Variants in NFKB1 observed in about 807,000 individuals in gnomAD.
The protein encoded by NFKB1 is nuclear factor kappa B subunit 1, also known as nuclear factor NF-kappa-B p105 subunit.
NFKB1 carries 9 observed loss-of-function variants against 105.1 expected under a neutral mutation model. The ratio of observed to expected loss-of-function variants is 0.09; its 90% CI spans 0.05 to 0.15. The LOEUF (loss-of-function observed/expected upper bound fraction) is 0.15, where lower values mean the gene tolerates loss of function less well. Among genes scored for constraint, NFKB1 ranks in the 10% least tolerant of loss-of-function variants. The pLI is 1.00. For synonymous variants in NFKB1, 440 were observed against 442.2 expected (o/e 1.00, Z 0.06); for missense variants, 830 against 1,203.7 (o/e 0.69, Z 4.59).
intron 5 of NFKB1, among the ~76,000 whole-genome samples, chr4:102,548,170 G>T (rs962990908): frequency 2.6e-5 from 4 of 152,076 alleles, no homozygotes. Context: ...ACGGGCCATT[G>T]CCTTTACTGG....
intron 15 of NFKB1, among the ~76,000 whole-genome samples, chr4:102,600,021 ATGCTAG>A (rs1488198663): frequency 6.6e-6 from 1 of 152,178 alleles, no homozygotes; most frequent in African/African-American, 2.4e-5. Flanking sequence ...CCTCTACTGC[ATGCTAG>A]GGTTGTAAGG....
chr4:102,567,203 T>G, intron 6 of NFKB1, 68 bp downstream of exon 6: 1 of 1,533,968 alleles, frequency 6.5e-7, no homozygotes, highest in South Asian at 1.2e-5. Context: ...GAACTTAGAA[T>G]GAACAGGCCC....
At chr4:102,564,658 T>C (rs982957542) in intron 5 of NFKB1, among the ~76,000 whole-genome samples, 2 of 152,236 alleles carry the variant, frequency 1.3e-5, no homozygotes, top group African/African-American at 2.4e-5. Flanking sequence ...TGAGTACTTT[T>C]TGAGGATACC....
At chr4:102,536,599 C>CT (rs1242152567) in intron 4 of NFKB1, among the ~76,000 whole-genome samples, 9 of 152,104 alleles carry the variant, frequency 5.9e-5, no homozygotes, top group African/African-American at 2.2e-4. Context: ...GTAGTATAGT[C>CT]TAAGTAGTGC....
At chr4:102,533,818 G>T (rs1347852586) in intron 3 of NFKB1, 27 bp from the exon 4 acceptor site, 1 of 1,603,882 alleles carries the variant, frequency 6.2e-7, no homozygotes, top group Admixed American at 1.7e-5. Context: ...GTTTCTTTTG[G>T]TTTCTGTTTG....
chr4:102,507,792 A>G (rs933912604), intron 1 of NFKB1, among the ~76,000 whole-genome samples: 1 of 152,170 alleles, frequency 6.6e-6, no homozygotes, highest in Non-Finnish European at 1.5e-5. Context: ...TATTTTTATT[A>G]TTTATCATGT....
intron 4 of NFKB1, among the ~76,000 whole-genome samples, chr4:102,537,354 G>A (rs1338325236): frequency 6.6e-6 from 1 of 152,118 alleles, no homozygotes; most frequent in Non-Finnish European, 1.5e-5. Flanking sequence ...TCTAGCACAG[G>A]GTGTGTTCTA....
At chr4:102,538,022 G>T (rs775860465) in intron 5 of NFKB1, 66 bp downstream of exon 5, 1 of 1,027,988 alleles carries the variant, frequency 9.7e-7, no homozygotes, top group Non-Finnish European at 1.5e-6. Flanking sequence ...GATTTCCAAG[G>T]AATTGCTTTA....
intron 5 of NFKB1, among the ~76,000 whole-genome samples, chr4:102,548,097 A>C (rs1722277748): frequency 6.6e-6 from 1 of 151,900 alleles, no homozygotes; most frequent in South Asian, 2.1e-4. Flanking sequence ...AGCACACAGC[A>C]CTCCAGGGAA....
intron 5 of NFKB1, among the ~76,000 whole-genome samples, chr4:102,550,908 C>T (rs1333184330): frequency 3.3e-5 from 5 of 152,102 alleles, no homozygotes; most frequent in African/African-American, 9.7e-5. Context: ...TGAATATCAA[C>T]ATTTGTCAGT....
At chr4:102,516,926 A>G (rs1288801643) in intron 1 of NFKB1, among the ~76,000 whole-genome samples, 3 of 152,184 alleles carry the variant, frequency 2.0e-5, no homozygotes, top group South Asian at 4.1e-4. Flanking sequence ...TGAAATCACA[A>G]CTGAATGCTC....
At chr4:102,577,640 G>A (rs186547060) in intron 7 of NFKB1, 12 of 171,422 alleles carry the variant, frequency 7.0e-5, no homozygotes, top group African/African-American at 2.2e-4. Context: ...TACTCTGGCC[G>A]TCCAGTCGTC....
In NFKB1 at chr4:102,501,433, C is replaced by T. The variant is rs563482603; in HGVS notation, c.-363C>T. On this transcript the variant is annotated 5_prime_UTR_variant, in exon 1 of 24. Coordinates refer to ENST00000226574, the MANE Select transcript of NFKB1 (RefSeq NM_003998.4). ...CGGCCCGGCGACGCGCTGACAGCTT[C>T]CCCTGCCCTTCCCGTCGGTCGGGCC... The T allele has an allele frequency of 4.0e-5, 6 of 151,140 alleles. No individual in the cohort carries two copies. Among genetic ancestry groups the T allele is most frequent in the South Asian group, 2.1e-4 (1 of 4,832 alleles). The allele number at this position is 151,140 out of a possible 1,614,324, so 9.4% of individuals were successfully genotyped here. A position where few individuals can be genotyped will look rare whatever the true frequency, so the allele number is the denominator to read the frequency against.
chr4:102,568,022 C>G (rs1204043821), intron 6 of NFKB1, among the ~76,000 whole-genome samples: 1 of 151,836 alleles, frequency 6.6e-6, no homozygotes, highest in African/African-American at 2.4e-5. Flanking sequence ...TTTTCTAATC[C>G]TGGTTTAAAT....
intron 5 of NFKB1, among the ~76,000 whole-genome samples, chr4:102,557,684 G>A (rs1176235414): frequency 1.3e-5 from 2 of 152,148 alleles, no homozygotes; most frequent in Non-Finnish European, 2.9e-5. Context: ...ATCTGAGTCT[G>A]GTGCCAAGAC....
chr4:102,576,782 T>A (rs1201048390), intron 6 of NFKB1, 94 bp from the exon 7 acceptor site: 1 of 1,315,770 alleles, frequency 7.6e-7, no homozygotes, highest in Non-Finnish European at 1.0e-6. Context: ...GCCTGTGTAT[T>A]TTTTTTTAAT....
intron 19 of NFKB1, among the ~76,000 whole-genome samples, chr4:102,610,263 G>T (rs1300383261): frequency 6.6e-6 from 1 of 152,202 alleles, no homozygotes; most frequent in Non-Finnish European, 1.5e-5. Context: ...TCAGCCCTAA[G>T]ATTAAAGATG....
chr4:102,534,965 A>G (rs564368507), intron 4 of NFKB1, among the ~76,000 whole-genome samples: 18 of 152,174 alleles, frequency 1.2e-4, no homozygotes, highest in Non-Finnish European at 2.6e-4. Flanking sequence ...GGCTATCCTT[A>G]TAAGGTTGAA....
At chr4:102,609,158 CA>C (rs372174091) in intron 19 of NFKB1, among the ~76,000 whole-genome samples, 1,322 of 97,178 alleles carry the variant, frequency 0.014, 55 homozygotes, top group African/African-American at 0.038. Context: ...GACCCTGTCT[CA>C]AAAAAAAAAA....
Sources: allele counts gnomAD v4.1 joint callset (sites outside exome capture counted in the v4.1 genomes callset), GRCh38; gene constraint gnomAD v4.1.1; transcripts MANE v1.5; gene names NCBI Gene and HGNC (gene_info 2026-07-23, HGNC 2026-07-21).